The following AIFM3 variants were observed in gnomAD, a reference collection of about 807,000 sequenced individuals.
AIFM3 encodes AIF family member 3, also known as apoptosis-inducing factor 3.
Under a neutral mutation model 82.7 loss-of-function variants are expected in AIFM3, and 71 were observed. That is an observed-to-expected ratio of 0.86 (90% CI 0.71 to 1.05). AIFM3 has a LOEUF of 1.05. Among genes scored for constraint, AIFM3 ranks in the 50% least tolerant of loss-of-function variants. The pLI, the probability that AIFM3 is intolerant of heterozygous loss-of-function variation, is 0.00. For synonymous variants in AIFM3, 337 were observed against 329.1 expected, an observed-to-expected ratio of 1.02 and a Z score of -0.26; for missense variants, 748 against 816.7, an observed-to-expected ratio of 0.92 and a Z score of 1.03.
At chr22:20,977,526 CACCGGGTCTGTGGGAG>C (rs1923765919) in intron 14 of AIFM3, 158 bp from the exon 15 acceptor site, 1 of 713,412 alleles carries the variant, frequency 1.4e-6, no homozygotes, top group Non-Finnish European at 2.4e-6. Context: ...TTGCGGGAGG[CACCGGGTCTGTGGGAG>C]ACCGGGTAGT....
Position 20,967,823 on chromosome 22 carries a change from C to G in AIFM3, c.-122C>G, listed in dbSNP as rs913925368. The G allele has an allele frequency of 1.1e-5, 12 of 1,067,988 alleles. No individual in the cohort carries two copies. Among genetic ancestry groups the G allele is most frequent in the African/African-American group, 4.7e-5 (3 of 64,272 alleles). The allele number at this position is 1,067,988 out of a possible 1,614,324, so 66.2% of individuals were successfully genotyped here. On this transcript the variant is annotated 5_prime_UTR_variant, in exon 2 of 21. Transcript: ENST00000440238. ...CCTGCAGGTCCTAGAGCAGCTCCAG[C>G]AGGATGGCGGCTCCAGCGTCTCTAA...
chr22:20,976,315 G>A lies in AIFM3; in HGVS notation c.899+9G>A. The A allele has an allele frequency of 6.2e-7, 1 of 1,613,918 alleles. No homozygotes were observed. Among genetic ancestry groups the A allele is most frequent in the Non-Finnish European group, 8.5e-7 (1 of 1,180,020 alleles). ...CTGGCACCAGGGAGCAGGTGGGAGGGTCTCCTTTTTACCCATCGGACACTA... is the reference window on the plus strand; with the variant it reads ...CTGGCACCAGGGAGCAGGTGGGAGGATCTCCTTTTTACCCATCGGACACTA... On this transcript the variant is annotated intron_variant, in intron 10 of 20. Transcript: ENST00000440238.
intron 17 of AIFM3, 55 bp downstream of exon 17, chr22:20,979,424 TG>T (rs1923930405): frequency 4.2e-6 from 3 of 712,708 alleles, no homozygotes; most frequent in South Asian, 4.6e-5. Flanking sequence ...GGGCGGGGCT[TG>T]GGTGTGGGGC....
rs79049307 is a variant in AIFM3, at chr22:20,975,827, C to G, written c.807+49C>G. The G allele has an allele frequency of 1.2e-3, 1,985 of 1,594,426 alleles. 16 individuals are homozygous for G. In the African/African-American group the frequency reaches 0.023, roughly 19 times the overall value. On this transcript the variant is annotated intron_variant, in intron 9 of 20. Coordinates refer to ENST00000440238, the MANE Select transcript of AIFM3 (RefSeq NM_001386814.1). The stretch of plus-strand genomic sequence containing the variant: ...AGGCCCGAGGAGGGAAGGTGGGAAC[C>G]GTGAGGTTGTGTGGGCCCCTGGGGT...
intron 8 of AIFM3, 140 bp downstream of exon 8, chr22:20,974,956 G>T (rs1923541298): frequency 3.8e-6 from 3 of 780,258 alleles, no homozygotes; most frequent in Admixed American, 5.5e-5. Flanking sequence ...ACCCCCAAAA[G>T]ATCTAGATTT....
intron 19 of AIFM3, 135 bp from the exon 20 acceptor site, chr22:20,980,612 C>G: frequency 9.0e-7 from 1 of 1,109,104 alleles, no homozygotes; most frequent in Non-Finnish European, 1.4e-6. Flanking sequence ...CTGGGGACAG[C>G]CTGGAGGCCA....
At chr22:20,974,907 C>A in intron 8 of AIFM3, 91 bp downstream of exon 8, 1 of 1,277,426 alleles carries the variant, frequency 7.8e-7, no homozygotes, top group Non-Finnish European at 1.1e-6. Context: ...TGGGGTCTGG[C>A]CGGCTGCCCT....
chr22:20,979,459 G>A, intron 17 of AIFM3, 90 bp downstream of exon 17: 1 of 1,474,776 alleles, frequency 6.8e-7, no homozygotes, highest in Non-Finnish European at 9.3e-7. Flanking sequence ...TAGGGGCAGG[G>A]CTATGACCGC....
At chr22:20,969,193 G>T (rs1433488761) in intron 2 of AIFM3, among the ~76,000 whole-genome samples, 1 of 152,190 alleles carries the variant, frequency 6.6e-6, no homozygotes, top group East Asian at 1.9e-4. Flanking sequence ...CCACCTGCAG[G>T]TTCTTTTAAA....
At chr22:20,976,161 C>T (rs533454844) in intron 9 of AIFM3, 54 bp from the exon 10 acceptor site, 10 of 1,394,302 alleles carry the variant, frequency 7.2e-6, no homozygotes, top group African/African-American at 4.5e-5. Context: ...GGGGAGTGGG[C>T]GGCGAGGCCC....
At chr22:20,966,733 A>C (rs932149441), upstream of AIFM3, 3 of 152,288 alleles carry the variant, frequency 2.0e-5, no homozygotes, top group African/African-American at 7.2e-5. Flanking sequence ...CCTGGAAGGC[A>C]CCTGGCTACA....
chr22:20,975,637 GC>G, intron 8 of AIFM3, 54 bp from the exon 9 acceptor site: 1 of 1,577,848 alleles, frequency 6.3e-7, no homozygotes. Context: ...CCTTCCCTGG[GC>G]CCCAGTGTCT....
chr22:20,974,348 T>C (rs771450959), intron 6 of AIFM3, 52 bp downstream of exon 6: 22 of 1,600,228 alleles, frequency 1.4e-5, no homozygotes, highest in Admixed American at 3.5e-5. Context: ...GGAGGGCATC[T>C]TGGCCCAGAG....
At chr22:20,980,938 G>A (rs1924072295) in intron 20 of AIFM3, 54 bp from the exon 21 acceptor site, 1 of 1,613,642 alleles carries the variant, frequency 6.2e-7, no homozygotes, top group African/African-American at 1.3e-5. Context: ...AGGGTGCCCA[G>A]AGTGGAGAGC....
chr22:20,980,602 C>A, intron 19 of AIFM3, 145 bp from the exon 20 acceptor site: 1 of 973,826 alleles, frequency 1.0e-6, no homozygotes, highest in East Asian at 2.4e-5. Flanking sequence ...CTCCCAGGGA[C>A]TGGGGACAGC....
At position 20,974,085 on chromosome 22, in the gene AIFM3, G is replaced by A; in HGVS notation, c.378G>A (p.Val126=). 6.2e-7 allele frequency: 1 copy of A among 1,611,210 alleles called. No individual in the cohort carries two copies. Among genetic ancestry groups the A allele is most frequent in the Non-Finnish European group, 8.5e-7 (1 of 1,179,634 alleles). ...CAGGCGTTCTGTCCCGTGGTCGGGT[G>A]CGCTGCCCCTGGCACGGCGCCTGCT... is the stretch of plus-strand genomic sequence containing the variant. ...LVKGVLSRGR[V]RCPWHGACFN... The change falls in exon 5 of 21, where the codon GTG becomes GTA. Residue 126 remains valine (V), a synonymous_variant. Transcript: ENST00000440238.
chr22:20,973,397 A>G lies in AIFM3; in HGVS notation c.122A>G (p.Gln41Arg), dbSNP rs1923398033. Residue 41 changes from glutamine (Q) to arginine (R), a missense_variant, in exon 3 of 21, where the codon CAG becomes CGG. Physicochemically the swap from Gln to Arg is conservative, Grantham distance 43 (BLOSUM62 1). Coordinates refer to ENST00000440238, the MANE Select transcript of AIFM3 (RefSeq NM_001386814.1). ...GGGAAGGGCAGCCCCCGGGCCTACC[A>G]GGGCAATGGCACGGCCCGCCACTTC... ...ASGKGSPRAYQGNGTARHFHT... is the reference protein window; with the variant it reads ...ASGKGSPRAYRGNGTARHFHT... 1 of 1,611,422 alleles carries G rather than the reference A, an allele frequency of 6.2e-7. No homozygotes were observed. Among genetic ancestry groups the G allele is most frequent in the African/African-American group, 1.3e-5 (1 of 75,026 alleles).
intron 2 of AIFM3, among the ~76,000 whole-genome samples, chr22:20,969,262 G>T (rs1313968566): frequency 1.3e-5 from 2 of 152,198 alleles, no homozygotes; most frequent in Admixed American, 6.5e-5. Flanking sequence ...AGTGTCGGGG[G>T]TGGCCACCCT....
At chr22:20,980,148 G>C in intron 19 of AIFM3, 24 bp downstream of exon 19, 1 of 1,599,766 alleles carries the variant, frequency 6.3e-7, no homozygotes, top group Non-Finnish European at 8.5e-7. Context: ...TGGGAAGCCT[G>C]GGGGTGGGAG....
Sources: allele counts gnomAD v4.1 joint callset (sites outside exome capture counted in the v4.1 genomes callset), GRCh38; gene constraint gnomAD v4.1.1; transcripts MANE v1.5; gene names NCBI Gene and HGNC (gene_info 2026-07-23, HGNC 2026-07-21).